Variants in EYS observed in about 807,000 individuals in gnomAD.
The protein encoded by EYS is protein eyes shut homolog.
In EYS, 250 loss-of-function variants were observed where a neutral mutation model predicts 282.1. That is an observed-to-expected ratio of 0.89 (90% CI 0.80 to 0.98). The LOEUF is 0.98. EYS is among the 50% of genes least tolerant of loss of function. The pLI is 0.00. For synonymous variants in EYS, 1,355 were observed against 1,282.9 expected, an observed-to-expected ratio of 1.06 and a Z score of -1.20; for missense variants, 4,016 against 3,709.0, an observed-to-expected ratio of 1.08 and a Z score of -2.15.
At chr6:64,092,105 T>C (rs1282565504) in intron 31 of EYS, among the ~76,000 whole-genome samples, 3 of 152,206 alleles carry the variant, frequency 2.0e-5, no homozygotes, top group African/African-American at 7.2e-5. Context: ...GGCTGCATAG[T>C]GTTCCATGGT....
chr6:64,822,473 G>A (rs1764926452), intron 20 of EYS, among the ~76,000 whole-genome samples, 178 bp downstream of exon 20: 1 of 151,968 alleles, frequency 6.6e-6, no homozygotes, highest in Non-Finnish European at 1.5e-5. Context: ...CAGAGATAAT[G>A]TATCAGTACA....
At chr6:64,065,436 A>C (rs769657009) in intron 33 of EYS, among the ~76,000 whole-genome samples, 2 of 152,184 alleles carry the variant, frequency 1.3e-5, no homozygotes, top group Non-Finnish European at 2.9e-5. Flanking sequence ...TGCTGCATGT[A>C]AATTTTGTTT....
At chr6:65,275,988 A>AAAAC (rs369037503) in intron 12 of EYS, among the ~76,000 whole-genome samples, 3,648 of 152,050 alleles carry the variant, frequency 0.024, 132 homozygotes, top group African/African-American at 0.08. Flanking sequence ...ATAAAAAAAC[A>AAAAC]AAACAAACAA....
intron 31 of EYS, among the ~76,000 whole-genome samples, chr6:64,183,420 C>T (rs1207484639): frequency 6.6e-6 from 1 of 152,162 alleles, no homozygotes; most frequent in African/African-American, 2.4e-5. Flanking sequence ...GACTTTACCT[C>T]ATTTACCACT....
intron 7 of EYS, among the ~76,000 whole-genome samples, chr6:65,386,380 A>C (rs9345616): frequency 0.41 from 62,294 of 151,202 alleles, 13,779 homozygotes; most frequent in South Asian, 0.5. Context: ...TGTAAGAAAC[A>C]TGCGCTTGTA....
intron 12 of EYS, among the ~76,000 whole-genome samples, chr6:65,230,182 A>G (rs1302970309): frequency 6.6e-6 from 1 of 152,006 alleles, no homozygotes; most frequent in East Asian, 1.9e-4. Context: ...ATCTAAAGAT[A>G]AATTAAGTGA....
intron 41 of EYS, among the ~76,000 whole-genome samples, chr6:63,760,865 C>T (rs1582180702): frequency 1.3e-5 from 2 of 151,910 alleles, no homozygotes; most frequent in African/African-American, 4.8e-5. Context: ...TTGTTAAATT[C>T]ACTAGCCCTT....
chr6:65,237,268 G>C (rs1582050605), intron 12 of EYS, among the ~76,000 whole-genome samples: 5 of 152,106 alleles, frequency 3.3e-5, no homozygotes, highest in Non-Finnish European at 7.4e-5. Context: ...ACATATACAA[G>C]TCAGGGGCCT....
intron 12 of EYS, among the ~76,000 whole-genome samples, chr6:65,119,168 A>G (rs1035645515): frequency 3.3e-5 from 5 of 152,170 alleles, no homozygotes; most frequent in African/African-American, 1.2e-4. Context: ...TATACACTTA[A>G]AGCTTCTAGT....
chr6:65,402,656 G>C, intron 6 of EYS, 51 bp from the exon 7 acceptor site: 1 of 1,253,316 alleles, frequency 8.0e-7, no homozygotes, highest in Non-Finnish European at 1.2e-6. Context: ...ATATTTCAAA[G>C]GTAATGAATG....
At chr6:64,789,591 T>C (rs1352905414) in intron 22 of EYS, among the ~76,000 whole-genome samples, 2 of 152,164 alleles carry the variant, frequency 1.3e-5, no homozygotes, top group Non-Finnish European at 2.9e-5. Flanking sequence ...CCTGATTCTG[T>C]GTTAGACAAT....
intron 12 of EYS, among the ~76,000 whole-genome samples, chr6:65,124,409 T>A (rs1206758102): frequency 6.6e-6 from 1 of 152,164 alleles, no homozygotes; most frequent in African/African-American, 2.4e-5. Context: ...TAGAAATTTG[T>A]ATCAAAAGAT....
chr6:63,768,868 A>G (rs775987620), intron 40 of EYS, among the ~76,000 whole-genome samples: 14 of 152,286 alleles, frequency 9.2e-5, no homozygotes, highest in Non-Finnish European at 1.6e-4. Flanking sequence ...TGGTACATAT[A>G]TACCATGGAA....
chr6:65,499,095 T>C (rs1385699250), intron 2 of EYS, among the ~76,000 whole-genome samples: 4 of 152,058 alleles, frequency 2.6e-5, no homozygotes, highest in African/African-American at 4.8e-5. Flanking sequence ...ATATGTGTAA[T>C]TTCAGAACTG....
chr6:64,630,274 T>A (rs973338936), intron 22 of EYS, among the ~76,000 whole-genome samples: 9 of 152,056 alleles, frequency 5.9e-5, no homozygotes, highest in African/African-American at 1.9e-4. Flanking sequence ...TTATTTTGTA[T>A]TTTTAATAGA....
chr6:64,125,615 C>T (rs528939216), intron 31 of EYS, among the ~76,000 whole-genome samples: 75 of 151,696 alleles, frequency 4.9e-4, no homozygotes, highest in African/African-American at 1.7e-3. Flanking sequence ...GAAACCCCAT[C>T]TCTACTAAAA....
At chr6:64,963,125 C>G (rs956594674) in intron 14 of EYS, among the ~76,000 whole-genome samples, 2 of 152,154 alleles carry the variant, frequency 1.3e-5, no homozygotes, top group African/African-American at 4.8e-5. Context: ...AAATCTCTCT[C>G]TAGGTGTAGT....
chr6:65,346,640 TG>T (rs1770406174), intron 9 of EYS, among the ~76,000 whole-genome samples: 1 of 151,356 alleles, frequency 6.6e-6, no homozygotes, highest in Non-Finnish European at 1.5e-5. Context: ...TTTTTGGAAT[TG>T]GGGCTACAGA....
chr6:63,728,673 A>G (rs980320360), intron 41 of EYS, among the ~76,000 whole-genome samples: 2 of 152,224 alleles, frequency 1.3e-5, no homozygotes, highest in African/African-American at 4.8e-5. Flanking sequence ...TTACCATTAC[A>G]GTATCATACA....
Sources: gnomAD v4.1 joint callset for allele counts (sites outside exome capture counted in the v4.1 genomes callset) on GRCh38, gnomAD v4.1.1 for gene constraint, MANE v1.5 for transcripts, NCBI Gene and HGNC (gene_info 2026-07-23, HGNC 2026-07-21) for gene names.